SNTG1: variants seen among roughly 807,000 people sequenced by gnomAD.
SNTG1 encodes the protein gamma-1-syntrophin.
Under a neutral mutation model 74.7 loss-of-function variants are expected in SNTG1, and 39 were observed. That is an observed-to-expected ratio of 0.52 (90% CI 0.40 to 0.68). The LOEUF is 0.68. Ranked by LOEUF, SNTG1 falls within the 30% of genes least tolerant of loss-of-function variation. The probability of loss-of-function intolerance (pLI) is 0.00; values close to 1 mark genes in which losing one functional copy is unlikely to be tolerated. For synonymous variants in SNTG1, 254 were observed against 217.1 expected (o/e 1.17, Z -1.49); for missense variants, 685 against 609.5 (o/e 1.12, Z -1.30).
chr8:49,971,475 C>T (rs912413755), intron 1 of SNTG1, among the ~76,000 whole-genome samples: 14 of 152,174 alleles, frequency 9.2e-5, no homozygotes, highest in South Asian at 2.1e-4. Context: ...TGCCCTCCCT[C>T]ACCACTCCTA....
At chr8:50,450,930 G>T (rs1431960773) in intron 8 of SNTG1, among the ~76,000 whole-genome samples, 2 of 151,988 alleles carry the variant, frequency 1.3e-5, no homozygotes, top group Non-Finnish European at 2.9e-5. Context: ...GTGTTCTGAA[G>T]AATTCTTACT....
intron 4 of SNTG1, among the ~76,000 whole-genome samples, chr8:50,423,641 A>G (rs1026183404): frequency 1.3e-5 from 2 of 152,258 alleles, no homozygotes; most frequent in Admixed American, 1.3e-4. Context: ...AGTATTTTCA[A>G]GCCAACTATG....
intron 8 of SNTG1, among the ~76,000 whole-genome samples, chr8:50,464,313 G>T (rs539845103): frequency 3.2e-4 from 48 of 152,088 alleles, no homozygotes; most frequent in Non-Finnish European, 5.4e-4. Context: ...CCTACAATTT[G>T]CCCTATTTTG....
intron 2 of SNTG1, among the ~76,000 whole-genome samples, chr8:50,370,836 G>A (rs976356495): frequency 6.6e-6 from 1 of 151,994 alleles, no homozygotes; most frequent in Non-Finnish European, 1.5e-5. Context: ...GCAGAATTCC[G>A]AGGAATATAT....
intron 1 of SNTG1, among the ~76,000 whole-genome samples, chr8:49,998,979 G>C (rs958369742): frequency 3.3e-5 from 5 of 152,130 alleles, no homozygotes; most frequent in African/African-American, 9.6e-5. Flanking sequence ...TGGATTTGTT[G>C]ACATTCACTT....
intron 8 of SNTG1, among the ~76,000 whole-genome samples, chr8:50,483,690 T>G (rs1052425628): frequency 6.6e-6 from 1 of 152,202 alleles, no homozygotes; most frequent in Non-Finnish European, 1.5e-5. Context: ...CAATATTTAC[T>G]TCTTAGTTAC....
rs564658297 is a variant in SNTG1 at position 50,317,129 on chromosome 8, T to C, written c.-27-77083T>C. 4.5e-3 allele frequency among the ~76,000 whole-genome samples: 685 copies of C among 152,272 alleles called. 2 individuals are homozygous for C. The highest frequency in any genetic ancestry group is 7.3e-3 in the Non-Finnish European group (495 of 67,998). The stretch of plus-strand genomic sequence containing the variant: ...TCTGGTAGATTCCTTAGGGGGATTA[T>C]TTCCTTTAAGAGAAATTTGGTAATC... On this transcript the variant is annotated intron_variant, in intron 2 of 18. Transcript: ENST00000642720.
rs548022915 is a variant in SNTG1, at chr8:50,461,245, G to A, written c.363+10516G>A. Among the ~76,000 whole-genome samples the A allele has an allele frequency of 1.4e-3, 203 of 143,106 alleles. 2 individuals carry two copies. The highest frequency in any genetic ancestry group is 4.8e-3 in the African/African-American group (189 of 39,668). 93.9% of individuals were successfully genotyped at this position (143,106 alleles called of 152,430 possible). On this transcript the variant is annotated intron_variant, in intron 8 of 18. Coordinates refer to ENST00000642720, the MANE Select transcript of SNTG1 (RefSeq NM_018967.5). ...ATGTGGTTTTCCAGAGGAAGACCACGGAGTGAAATTGCCATTCTTATCACA... is the reference window on the plus strand; with the variant it reads ...ATGTGGTTTTCCAGAGGAAGACCACAGAGTGAAATTGCCATTCTTATCACA...
intron 1 of SNTG1, among the ~76,000 whole-genome samples, chr8:49,959,351 C>A (rs963392759): frequency 4.6e-5 from 7 of 152,150 alleles, no homozygotes; most frequent in African/African-American, 1.7e-4. Context: ...TGACTTGGAG[C>A]CCTCAGTTTA....
At chr8:49,930,053 T>A (rs571807490) in intron 1 of SNTG1, among the ~76,000 whole-genome samples, 1 of 152,002 alleles carries the variant, frequency 6.6e-6, no homozygotes, top group African/African-American at 2.4e-5. Flanking sequence ...AGTAATAATT[T>A]AATTGTTAGA....
chr8:50,014,151 G>A (rs1273328014), intron 1 of SNTG1, among the ~76,000 whole-genome samples: 1 of 152,060 alleles, frequency 6.6e-6, no homozygotes, highest in Non-Finnish European at 1.5e-5. Flanking sequence ...AGTAGCCAAA[G>A]GCTAAGAGCA....
chr8:50,548,031 T>C (rs1407416954), intron 11 of SNTG1, among the ~76,000 whole-genome samples: 1 of 152,164 alleles, frequency 6.6e-6, no homozygotes. Context: ...CCTGTGAGGG[T>C]AGAAAGGTAA....
At chr8:50,154,919 G>A (rs554584571) in intron 1 of SNTG1, among the ~76,000 whole-genome samples, 42 of 152,312 alleles carry the variant, frequency 2.8e-4, no homozygotes, top group African/African-American at 8.9e-4. Context: ...TGGCAATGTG[G>A]CAATGTTAAC....
chr8:50,353,741 T>C (rs1351911127), intron 2 of SNTG1, among the ~76,000 whole-genome samples: 1 of 152,200 alleles, frequency 6.6e-6, no homozygotes, highest in East Asian at 1.9e-4. Context: ...TCATACAAGG[T>C]CAAGTTCAAC....
At chr8:49,923,950 A>G (rs966857264) in intron 1 of SNTG1, among the ~76,000 whole-genome samples, 7 of 152,340 alleles carry the variant, frequency 4.6e-5, no homozygotes, top group African/African-American at 1.7e-4. Flanking sequence ...TACTGAATCA[A>G]GACATTAAAG....
chr8:50,354,292 T>A (rs1478314597), intron 2 of SNTG1, among the ~76,000 whole-genome samples: 3 of 152,250 alleles, frequency 2.0e-5, no homozygotes. Flanking sequence ...AAGGTGCTAT[T>A]GACTCTGTGC....
chr8:50,117,157 G>C (rs1027089902), intron 1 of SNTG1, among the ~76,000 whole-genome samples: 1 of 151,856 alleles, frequency 6.6e-6, no homozygotes, highest in African/African-American at 2.4e-5. Context: ...TCACTCAGCT[G>C]AATGTGAATC....
At chr8:50,180,421 G>A (rs573594518) in intron 2 of SNTG1, among the ~76,000 whole-genome samples, 29 of 152,188 alleles carry the variant, frequency 1.9e-4, no homozygotes, top group East Asian at 1.2e-3. Context: ...GTAGACTTTA[G>A]GTGTGCTTAC....
intron 12 of SNTG1, among the ~76,000 whole-genome samples, chr8:50,583,536 G>A (rs564283186): frequency 4.6e-5 from 7 of 152,102 alleles, no homozygotes; most frequent in African/African-American, 1.2e-4. Context: ...TCCTTTTTGC[G>A]ATAGTCATCC....
Sources: allele counts gnomAD v4.1 joint callset (sites outside exome capture counted in the v4.1 genomes callset), GRCh38; gene constraint gnomAD v4.1.1; transcripts MANE v1.5; gene names NCBI Gene and HGNC (gene_info 2026-07-23, HGNC 2026-07-21).